CDH13: variants seen among roughly 807,000 people sequenced by gnomAD.
CDH13 encodes the protein cadherin-13.
A neutral mutation model predicts 63.8 loss-of-function variants in CDH13; 24 were observed. The ratio of observed to expected loss-of-function variants is 0.38; its 90% CI spans 0.27 to 0.53. The LOEUF (loss-of-function observed/expected upper bound fraction) is 0.53, where lower values mean the gene tolerates loss of function less well. Among genes scored for constraint, CDH13 ranks in the 20% least tolerant of loss-of-function variants. CDH13 has a pLI of 0.85. For synonymous variants in CDH13, 503 were observed against 355.3 expected, an observed-to-expected ratio of 1.42 and a Z score of -4.67; for missense variants, 1,049 against 903.1, an observed-to-expected ratio of 1.16 and a Z score of -2.07.
At chr16:83,674,752 T>C (rs1269169756) in intron 9 of CDH13, among the ~76,000 whole-genome samples, 1 of 152,254 alleles carries the variant, frequency 6.6e-6, no homozygotes, top group Non-Finnish European at 1.5e-5. Context: ...AGTGTCGGCT[T>C]CGTCTTTAAA....
chr16:83,216,427 T>TATATATATATATATATATATATATAAAA (rs71148821), intron 4 of CDH13, among the ~76,000 whole-genome samples: 1 of 45,056 alleles, frequency 2.2e-5, no homozygotes, highest in Non-Finnish European at 5.0e-5. Flanking sequence ...TATATATATA[T>TATATATATATATATATATATATATAAAA]ATATATATAT....
intron 5 of CDH13, among the ~76,000 whole-genome samples, chr16:83,275,164 A>C (rs993396228): frequency 1.3e-5 from 2 of 152,230 alleles, no homozygotes; most frequent in African/African-American, 4.8e-5. Context: ...ATTAATGCCA[A>C]GTTTGCCCCA....
At chr16:83,649,404 T>A (rs905630675) in intron 8 of CDH13, among the ~76,000 whole-genome samples, 1 of 152,014 alleles carries the variant, frequency 6.6e-6, no homozygotes, top group Non-Finnish European at 1.5e-5. Context: ...CAGTGGGAGG[T>A]GAGGAAATAC....
chr16:82,941,555 G>A (rs1439352524), intron 2 of CDH13, among the ~76,000 whole-genome samples: 1 of 152,160 alleles, frequency 6.6e-6, no homozygotes, highest in Non-Finnish European at 1.5e-5. Flanking sequence ...AAAGCATTGT[G>A]TGGATAGCAC....
At chr16:83,497,887 C>T (rs2074184704) in intron 7 of CDH13, among the ~76,000 whole-genome samples, 1 of 152,144 alleles carries the variant, frequency 6.6e-6, no homozygotes, top group African/African-American at 2.4e-5. Context: ...ACTTATTAAT[C>T]ATCACCTTGA....
At chr16:83,600,992 A>G (rs894328561) in intron 7 of CDH13, among the ~76,000 whole-genome samples, 3 of 152,026 alleles carry the variant, frequency 2.0e-5, no homozygotes, top group Non-Finnish European at 4.4e-5. Flanking sequence ...CCCCTGCCAA[A>G]TGCTTCCAGG....
chr16:82,984,947 T>C (rs954794257), intron 2 of CDH13, among the ~76,000 whole-genome samples: 1 of 152,162 alleles, frequency 6.6e-6, no homozygotes, highest in Non-Finnish European at 1.5e-5. Flanking sequence ...ATATTCCTAC[T>C]TAGCTGCTTG....
intron 8 of CDH13, among the ~76,000 whole-genome samples, chr16:83,666,495 A>G (rs1913964085): frequency 6.6e-6 from 1 of 152,106 alleles, no homozygotes; most frequent in Non-Finnish European, 1.5e-5. Context: ...CAGTTCCTTG[A>G]TTAGGCTACA....
intron 2 of CDH13, among the ~76,000 whole-genome samples, chr16:83,019,836 T>TAAAAAAAAAAAAAAAA (rs562381483): frequency 2.0e-5 from 2 of 100,822 alleles, no homozygotes; most frequent in Non-Finnish European, 4.1e-5. Context: ...GAGTACACTC[T>TAAAAAAAAAAAAAAAA]AAAAAAAAAA....
chr16:83,487,216 G>T (rs1294049327), intron 7 of CDH13, among the ~76,000 whole-genome samples: 1 of 152,172 alleles, frequency 6.6e-6, no homozygotes, highest in Non-Finnish European at 1.5e-5. Context: ...GTGACCCCTG[G>T]CCCAGTCAGT....
At chr16:83,756,942 A>G (rs1293733132) in intron 11 of CDH13, among the ~76,000 whole-genome samples, 1 of 152,250 alleles carries the variant, frequency 6.6e-6, no homozygotes, top group African/African-American at 2.4e-5. Flanking sequence ...ATCAACTAAC[A>G]TATATAGAAC....
chr16:83,724,076 GGTGAGT>G (rs1910045139), intron 10 of CDH13, among the ~76,000 whole-genome samples: 1 of 151,680 alleles, frequency 6.6e-6, no homozygotes, highest in Non-Finnish European at 1.5e-5. Context: ...TGAATGCATG[GGTGAGT>G]GTGGAAAGCA....
chr16:83,345,647 T>G, intron 6 of CDH13, among the ~76,000 whole-genome samples: 1 of 152,208 alleles, frequency 6.6e-6, no homozygotes, highest in Non-Finnish European at 1.5e-5. Context: ...TAGAGCTTCC[T>G]TTTTTGCCCC....
At chr16:83,341,963 C>T (rs541979006) in intron 5 of CDH13, among the ~76,000 whole-genome samples, 8 of 146,454 alleles carry the variant, frequency 5.5e-5, no homozygotes, top group African/African-American at 1.8e-4. Context: ...TTTTCTCCAC[C>T]ATTTATTTTG....
intron 2 of CDH13, among the ~76,000 whole-genome samples, chr16:83,010,885 C>A (rs191124882): frequency 6.6e-6 from 1 of 152,118 alleles, no homozygotes; most frequent in Non-Finnish European, 1.5e-5. Context: ...TTCTTTAAGG[C>A]GAAACTTAAA....
intron 3 of CDH13, among the ~76,000 whole-genome samples, chr16:83,109,577 A>C (rs2034960685): frequency 6.6e-6 from 1 of 152,184 alleles, no homozygotes; most frequent in Non-Finnish European, 1.5e-5. Flanking sequence ...GGGGCCAGCC[A>C]GACATTTATG....
At chr16:83,633,213 G>A (rs931634994) in intron 8 of CDH13, among the ~76,000 whole-genome samples, 4 of 151,760 alleles carry the variant, frequency 2.6e-5, no homozygotes, top group African/African-American at 7.3e-5. Context: ...ATGCAACCCA[G>A]TAGGTCTCAG....
chr16:83,299,314 T>C (rs1402680590), intron 5 of CDH13, among the ~76,000 whole-genome samples: 1 of 151,938 alleles, frequency 6.6e-6, no homozygotes, highest in Non-Finnish European at 1.5e-5. Context: ...AAAAGATGAA[T>C]TCCCCAGAAC....
chr16:83,031,606 A>G (rs1388577048), intron 2 of CDH13, among the ~76,000 whole-genome samples: 1 of 151,796 alleles, frequency 6.6e-6, no homozygotes, highest in Non-Finnish European at 1.5e-5. Flanking sequence ...CTTATCTTCA[A>G]TACCCAGCTC....
Sources: gnomAD v4.1 joint callset for allele counts (sites outside exome capture counted in the v4.1 genomes callset) on GRCh38, gnomAD v4.1.1 for gene constraint, MANE v1.5 for transcripts, NCBI Gene and HGNC (gene_info 2026-07-23, HGNC 2026-07-21) for gene names.